Variants in PKN2 observed in about 807,000 individuals in gnomAD.
PKN2 encodes the protein protein kinase N2, also known as serine/threonine-protein kinase N2.
A neutral mutation model predicts 119.1 loss-of-function variants in PKN2; 38 were observed. The observed-to-expected ratio is 0.32, with a 90% confidence interval of 0.25 to 0.42. The LOEUF (loss-of-function observed/expected upper bound fraction) is 0.42, where lower values mean the gene tolerates loss of function less well. Among genes scored for constraint, PKN2 ranks in the 10% least tolerant of loss-of-function variants. The pLI is 1.00. For missense variants in PKN2, 850 were observed against 1,165.1 expected, an observed-to-expected ratio of 0.73 and a Z score of 3.94; for synonymous variants, 390 against 384.9, an observed-to-expected ratio of 1.01 and a Z score of -0.15.
At chr1:88,744,818 A>G (rs1262074021) in intron 2 of PKN2, among the ~76,000 whole-genome samples, 2 of 152,238 alleles carry the variant, frequency 1.3e-5, no homozygotes, top group African/African-American at 4.8e-5. Flanking sequence ...CTTTTAAACT[A>G]TAAAACTCTG....
At chr1:88,760,017 T>TG (rs771090132) in intron 2 of PKN2, among the ~76,000 whole-genome samples, 8 of 150,982 alleles carry the variant, frequency 5.3e-5, no homozygotes, top group Non-Finnish European at 1.0e-4. Flanking sequence ...GAATCTACCC[T>TG]GGGAAGTAGT....
rs559599683 is a variant in PKN2 at position 88,720,006 on chromosome 1, C to G, written c.49-20982C>G. Among the ~76,000 whole-genome samples the G allele has an allele frequency of 5.9e-5, 9 of 152,104 alleles. No homozygotes were observed. In the South Asian group the frequency reaches 1.9e-3, roughly 32 times the overall value. ...TAAGTGATAGAGCTGGGATTTTGAACTAGGAGTCAAAATGTTTTTTGTTGT... is the reference window on the plus strand; with the variant it reads ...TAAGTGATAGAGCTGGGATTTTGAAGTAGGAGTCAAAATGTTTTTTGTTGT... On this transcript the variant is annotated intron_variant, in intron 1 of 21. Transcript: ENST00000370521.
chr1:88,736,002 T>G (rs931923397), intron 1 of PKN2, among the ~76,000 whole-genome samples: 6 of 152,216 alleles, frequency 3.9e-5, no homozygotes, highest in Non-Finnish European at 4.4e-5. Flanking sequence ...CATTGTTCTG[T>G]AAACTTCTTC....
chr1:88,737,006 G>A (rs1294888878), intron 1 of PKN2, among the ~76,000 whole-genome samples: 2 of 152,180 alleles, frequency 1.3e-5, no homozygotes, highest in Non-Finnish European at 2.9e-5. Flanking sequence ...ATGCTCCAAA[G>A]CAACATTGTG....
chr1:88,763,905 G>C (rs1410023246), intron 3 of PKN2, among the ~76,000 whole-genome samples: 2 of 152,148 alleles, frequency 1.3e-5, no homozygotes, highest in African/African-American at 2.4e-5. Flanking sequence ...AGCAAATTTA[G>C]GGACAGGGAT....
chr1:88,697,321 A>G (rs950928878), intron 1 of PKN2, among the ~76,000 whole-genome samples: 3 of 152,180 alleles, frequency 2.0e-5, no homozygotes, highest in Non-Finnish European at 4.4e-5. Context: ...CAGATTTTAA[A>G]AAACATTATA....
intron 1 of PKN2, among the ~76,000 whole-genome samples, chr1:88,717,315 G>T (rs960310090): frequency 1.3e-5 from 2 of 152,086 alleles, no homozygotes; most frequent in African/African-American, 4.8e-5. Flanking sequence ...GGCATTCTCT[G>T]TATTTCCTGA....
chr1:88,738,952 G>A (rs578185779), intron 1 of PKN2, among the ~76,000 whole-genome samples: 4 of 152,290 alleles, frequency 2.6e-5, no homozygotes, highest in South Asian at 4.1e-4. Context: ...CAAATGGATC[G>A]TAGGACTTAT....
chr1:88,804,037 G>C (rs1671438438), intron 8 of PKN2, among the ~76,000 whole-genome samples: 1 of 152,136 alleles, frequency 6.6e-6, no homozygotes, highest in African/African-American at 2.4e-5. Context: ...CATAGCACAT[G>C]ATGGCAAATA....
At chr1:88,758,799 T>C (rs185154638) in intron 2 of PKN2, among the ~76,000 whole-genome samples, 3 of 152,302 alleles carry the variant, frequency 2.0e-5, no homozygotes, top group Admixed American at 6.5e-5. Flanking sequence ...GCTGGGCATT[T>C]AGGTTGATTC....
chr1:88,712,850 T>G (rs1033979496), intron 1 of PKN2, among the ~76,000 whole-genome samples: 2 of 151,954 alleles, frequency 1.3e-5, no homozygotes, highest in Non-Finnish European at 2.9e-5. Flanking sequence ...TATGTATACA[T>G]GTGCCATGTT....
At chr1:88,775,969 G>T (rs567463232) in intron 6 of PKN2, among the ~76,000 whole-genome samples, 7 of 152,082 alleles carry the variant, frequency 4.6e-5, no homozygotes, top group African/African-American at 1.7e-4. Flanking sequence ...TTAGCCGGGC[G>T]TGGTGGCAGG....
intron 6 of PKN2, among the ~76,000 whole-genome samples, chr1:88,783,186 G>A (rs1449162662): frequency 1.3e-5 from 2 of 152,140 alleles, no homozygotes; most frequent in Non-Finnish European, 2.9e-5. Context: ...TTTCTTCATA[G>A]GCAGGTGCTG....
chr1:88,730,174 A>G (rs1668088111), intron 1 of PKN2, among the ~76,000 whole-genome samples: 1 of 152,188 alleles, frequency 6.6e-6, no homozygotes, highest in East Asian at 1.9e-4. Context: ...CAAAAAAAAA[A>G]AAACACCAGT....
At chr1:88,740,794 T>C (rs768744362) in intron 1 of PKN2, among the ~76,000 whole-genome samples, 194 bp from the exon 2 acceptor site, 14 of 152,070 alleles carry the variant, frequency 9.2e-5, no homozygotes, top group Non-Finnish European at 1.8e-4. Context: ...AGCCAGTGAG[T>C]TCTTGAATTT....
Position 88,711,776 on chromosome 1 carries a change from G to A in PKN2, c.48+27148G>A, listed in dbSNP as rs149965831. On this transcript the variant is annotated intron_variant, in intron 1 of 21. Transcript: ENST00000370521. ...AATCTCTGGAAGTTTCAAAGCTGGA[G>A]GGATAAAATGATGCTTGGGGAATGG... Among the ~76,000 whole-genome samples the A allele has an allele frequency of 5.9e-4, 90 of 152,244 alleles. 1 individual carries two copies. The highest frequency in any genetic ancestry group is 1.9e-3 in the African/African-American group (81 of 41,576).
At chr1:88,715,992 T>C (rs1433629416) in intron 1 of PKN2, among the ~76,000 whole-genome samples, 1 of 152,050 alleles carries the variant, frequency 6.6e-6, no homozygotes, top group African/African-American at 2.4e-5. Context: ...TGGTCCACTG[T>C]CTTTGTTCTC....
chr1:88,770,770 A>G (rs1028450893), intron 4 of PKN2, among the ~76,000 whole-genome samples: 1 of 151,194 alleles, frequency 6.6e-6, no homozygotes, highest in African/African-American at 2.4e-5. Context: ...TATTTTTAGT[A>G]GAGACGGGGT....
At chr1:88,820,927 G>A (rs1308742493) in intron 16 of PKN2, among the ~76,000 whole-genome samples, 1 of 152,138 alleles carries the variant, frequency 6.6e-6, no homozygotes, top group Non-Finnish European at 1.5e-5. Flanking sequence ...TTATGCTAAT[G>A]CATTTAGGAT....
Sources: gnomAD v4.1 joint callset for allele counts (sites outside exome capture counted in the v4.1 genomes callset) on GRCh38, gnomAD v4.1.1 for gene constraint, MANE v1.5 for transcripts, NCBI Gene and HGNC (gene_info 2026-07-23, HGNC 2026-07-21) for gene names.